LRRC72: variants seen among roughly 807,000 people sequenced by gnomAD.
LRRC72 encodes the protein leucine rich repeat containing 72, also known as leucine-rich repeat-containing protein 72.
LRRC72 carries 41 observed loss-of-function variants against 35.8 expected under a neutral mutation model. The ratio of observed to expected loss-of-function variants is 1.15; its 90% CI spans 0.89 to 1.49. The LOEUF (loss-of-function observed/expected upper bound fraction) is 1.49. Ranked by LOEUF, LRRC72 falls within the 40% of genes most tolerant of loss-of-function variation. The probability of loss-of-function intolerance (pLI) is 0.00; values close to 1 mark genes in which losing one functional copy is unlikely to be tolerated. For missense variants in LRRC72, 389 were observed against 330.7 expected (o/e 1.18, Z -1.37); for synonymous variants, 118 against 119.2 (o/e 0.99, Z 0.07).
chr7:16,527,272 G>A (rs539205577), intron 1 of LRRC72, among the ~76,000 whole-genome samples: 1 of 152,204 alleles, frequency 6.6e-6, no homozygotes, highest in Non-Finnish European at 1.5e-5. Context: ...ACCCCCCTCA[G>A]CATCTCTGCC....
intron 7 of LRRC72, among the ~76,000 whole-genome samples, chr7:16,570,484 ACT>A (rs1782924192): frequency 6.6e-6 from 1 of 152,120 alleles, no homozygotes; most frequent in Non-Finnish European, 1.5e-5. Flanking sequence ...CCATAATGTC[ACT>A]CTCACACCTT....
chr7:16,538,906 G>A (rs1478168058), intron 3 of LRRC72, among the ~76,000 whole-genome samples: 1 of 152,208 alleles, frequency 6.6e-6, no homozygotes, highest in East Asian at 1.9e-4. Context: ...GGAATGGTGA[G>A]TCAATTAAAC....
chr7:16,562,781 A>G (rs572845926), intron 5 of LRRC72, among the ~76,000 whole-genome samples: 43 of 152,322 alleles, frequency 2.8e-4, no homozygotes, highest in African/African-American at 9.9e-4. Flanking sequence ...CCCTCCCAAA[A>G]GACAAAACAA....
chr7:16,580,506 T>C (rs1288348494), intron 8 of LRRC72, among the ~76,000 whole-genome samples: 1 of 152,038 alleles, frequency 6.6e-6, no homozygotes, highest in Non-Finnish European at 1.5e-5. Context: ...TGGCCTGGCA[T>C]GGTGGCAGGC....
At chr7:16,559,309 A>G (rs564325891) in intron 5 of LRRC72, among the ~76,000 whole-genome samples, 147 of 151,890 alleles carry the variant, frequency 9.7e-4, no homozygotes, top group African/African-American at 3.2e-3. Context: ...CGGGAGGATC[A>G]CTTGAACCCA....
chr7:16,563,082 G>A (rs769954477), intron 5 of LRRC72, among the ~76,000 whole-genome samples: 8 of 152,072 alleles, frequency 5.3e-5, no homozygotes, highest in African/African-American at 1.9e-4. Context: ...TCCACAGGCC[G>A]TTCTCTATAG....
chr7:16,570,613 G>A (rs1782926386), intron 7 of LRRC72, among the ~76,000 whole-genome samples: 2 of 152,144 alleles, frequency 1.3e-5, no homozygotes, highest in African/African-American at 4.8e-5. Context: ...GAGGTCAGGA[G>A]TTTGAGACCA....
At chr7:16,543,934 T>C (rs1300967961) in intron 3 of LRRC72, among the ~76,000 whole-genome samples, 1 of 152,236 alleles carries the variant, frequency 6.6e-6, no homozygotes, top group South Asian at 2.1e-4. Flanking sequence ...ATGATGTTTC[T>C]TTATTTGCCA....
chr7:16,562,027 T>A (rs1225083318), intron 5 of LRRC72, among the ~76,000 whole-genome samples: 1 of 152,160 alleles, frequency 6.6e-6, no homozygotes, highest in Non-Finnish European at 1.5e-5. Flanking sequence ...AAAACGCTAA[T>A]CCATTCTCAG....
chr7:16,548,620 C>T (rs1782493080), intron 3 of LRRC72, among the ~76,000 whole-genome samples: 1 of 152,258 alleles, frequency 6.6e-6, no homozygotes, highest in African/African-American at 2.4e-5. Flanking sequence ...ACTGCCTGTC[C>T]TGCCACAGCC....
At chr7:16,567,610 T>C (rs546390083) in intron 7 of LRRC72, 67 bp downstream of exon 7, 1 of 1,241,522 alleles carries the variant, frequency 8.1e-7, no homozygotes, top group Admixed American at 3.5e-5. Flanking sequence ...TTTTGGGTAA[T>C]TTGATTGTAA....
rs114775589 is a variant in LRRC72 at position 16,557,904 on chromosome 7, A to G, written c.316+463A>G. 2.4e-3 allele frequency among the ~76,000 whole-genome samples: 361 copies of G among 152,330 alleles called. 2 individuals are homozygous for G. Among genetic ancestry groups the G allele is most frequent in the African/African-American group, 8.2e-3 (343 of 41,590 alleles). ...ATGTGGCATACCATGATCATGAAAT[A>G]CAAAGAAGCACAGTACAAAACACTT... On this transcript the variant is annotated intron_variant, in intron 4 of 8. Transcript: ENST00000401542.
intron 5 of LRRC72, among the ~76,000 whole-genome samples, chr7:16,559,461 T>C (rs1322400501): frequency 6.6e-6 from 1 of 152,156 alleles, no homozygotes; most frequent in Non-Finnish European, 1.5e-5. Flanking sequence ...GATACGCTTT[T>C]GAAAAAACAA....
chr7:16,539,569 A>C (rs1384600410), intron 3 of LRRC72, among the ~76,000 whole-genome samples: 5 of 152,236 alleles, frequency 3.3e-5, no homozygotes, highest in African/African-American at 1.2e-4. Context: ...AATTTGTGTA[A>C]GTAAGGAGGA....
intron 5 of LRRC72, among the ~76,000 whole-genome samples, chr7:16,565,433 A>C (rs1408054974): frequency 6.6e-6 from 1 of 152,040 alleles, no homozygotes; most frequent in Middle Eastern, 3.2e-3. Context: ...CTCTGTCAAA[A>C]AAAAAAAAAA....
At chr7:16,556,102 G>A (rs186773217) in intron 3 of LRRC72, among the ~76,000 whole-genome samples, 23 of 152,058 alleles carry the variant, frequency 1.5e-4, no homozygotes, top group Middle Eastern at 3.4e-3. Context: ...TCCTTACAGG[G>A]TACCAGAATG....
chr7:16,540,092 C>T (rs1458088062), intron 3 of LRRC72, among the ~76,000 whole-genome samples: 1 of 152,158 alleles, frequency 6.6e-6, no homozygotes, highest in African/African-American at 2.4e-5. Flanking sequence ...CCTAGAAAAG[C>T]CACAGGGACT....
At chr7:16,558,123 T>G (rs2128337279) in intron 4 of LRRC72, among the ~76,000 whole-genome samples, 1 of 152,314 alleles carries the variant, frequency 6.6e-6, no homozygotes, top group Non-Finnish European at 1.5e-5. Flanking sequence ...ATTTGAATAT[T>G]TGGCTTCCAG....
chr7:16,579,457 C>T (rs1028174186), intron 7 of LRRC72, among the ~76,000 whole-genome samples: 1 of 152,100 alleles, frequency 6.6e-6, no homozygotes, highest in Non-Finnish European at 1.5e-5. Flanking sequence ...CTAGTAAAAT[C>T]CATCTCTGTA....
Sources: allele counts gnomAD v4.1 joint callset (sites outside exome capture counted in the v4.1 genomes callset), GRCh38; gene constraint gnomAD v4.1.1; transcripts MANE v1.5; gene names NCBI Gene and HGNC (gene_info 2026-07-23, HGNC 2026-07-21).